GRIK2: variants seen among roughly 807,000 people sequenced by gnomAD.
The protein encoded by GRIK2 is glutamate ionotropic receptor kainate type subunit 2, also known as glutamate receptor ionotropic, kainate 2.
In GRIK2, 32 loss-of-function variants were observed where a neutral mutation model predicts 100.3. That is an observed-to-expected ratio of 0.32 (90% CI 0.24 to 0.43). The LOEUF (loss-of-function observed/expected upper bound fraction) is 0.43. Among genes scored for constraint, GRIK2 ranks in the 20% least tolerant of loss-of-function variants. The pLI is 1.00. For missense variants in GRIK2, 843 were observed against 1,114.9 expected, an observed-to-expected ratio of 0.76 and a Z score of 3.47; for synonymous variants, 417 against 389.4, an observed-to-expected ratio of 1.07 and a Z score of -0.83.
At chr6:101,541,712 T>C (rs988956888) in intron 2 of GRIK2, among the ~76,000 whole-genome samples, 19 of 151,966 alleles carry the variant, frequency 1.3e-4, no homozygotes, top group Non-Finnish European at 8.8e-5. Context: ...TGGAACCCCC[T>C]TTCATAGATA....
At chr6:101,836,335 GTCACATATGACTAT>G (rs1235388829) in intron 10 of GRIK2, among the ~76,000 whole-genome samples, 1 of 151,908 alleles carries the variant, frequency 6.6e-6, no homozygotes, top group Non-Finnish European at 1.5e-5. Flanking sequence ...CGGTAGCTTC[GTCACATATGACTAT>G]TAAACACTTG....
At chr6:101,514,539 A>C (rs1774484973) in intron 2 of GRIK2, among the ~76,000 whole-genome samples, 1 of 152,104 alleles carries the variant, frequency 6.6e-6, no homozygotes, top group Admixed American at 6.6e-5. Context: ...TTTTCCTTTT[A>C]GGGTTAATAG....
chr6:101,788,788 T>C (rs1348052398), intron 7 of GRIK2, among the ~76,000 whole-genome samples: 2 of 152,210 alleles, frequency 1.3e-5, no homozygotes, highest in Non-Finnish European at 2.9e-5. Flanking sequence ...ATCGCCACAC[T>C]GACTTCCACA....
chr6:101,553,093 A>G lies in GRIK2; in HGVS notation c.116-68856A>G, dbSNP rs530660855. On this transcript the variant is annotated intron_variant, in intron 2 of 16. Transcript: ENST00000369134. ...GTCAAACATTGGAAGGAAACATAAA[A>G]TGTCTTTAAGAAGCTCACATTTTTA... Among the ~76,000 whole-genome samples the G allele has an allele frequency of 1.2e-4, 18 of 152,324 alleles. No homozygotes were observed. In the South Asian group the frequency reaches 3.5e-3, roughly 30 times the overall value.
At chr6:102,006,235 T>C (rs901621988) in intron 14 of GRIK2, among the ~76,000 whole-genome samples, 1 of 151,688 alleles carries the variant, frequency 6.6e-6, no homozygotes, top group Non-Finnish European at 1.5e-5. Flanking sequence ...CTTTCAAAAA[T>C]TATTTAATTC....
At position 101,910,064 on chromosome 6, in the gene GRIK2, T is replaced by A. The variant is rs182683987; in HGVS notation, c.1749-14537T>A. ...TTAAAACTCTTAGTATATGTAGTTA[T>A]AGAATTTGAGTATTAAACAGAATCA... On this transcript the variant is annotated intron_variant, in intron 12 of 16. Transcript: ENST00000369134. Among the ~76,000 whole-genome samples, 21 of 151,306 alleles carry A rather than the reference T, an allele frequency of 1.4e-4. No individual in the cohort carries two copies. The East Asian group carries it at 4.1e-3, about 29-fold the overall frequency.
chr6:101,748,264 G>C (rs188102755), intron 7 of GRIK2, among the ~76,000 whole-genome samples: 1 of 152,248 alleles, frequency 6.6e-6, no homozygotes, highest in African/African-American at 2.4e-5. Context: ...GTTAGGGAAA[G>C]TCATGAAATA....
intron 2 of GRIK2, among the ~76,000 whole-genome samples, chr6:101,453,977 C>T (rs1277654378): frequency 5.9e-5 from 9 of 151,900 alleles, no homozygotes; most frequent in East Asian, 1.9e-4. Flanking sequence ...AGGGAATAAC[C>T]CAGAAAAGCC....
Position 101,964,969 on chromosome 6 carries a change from G to GT in GRIK2, c.2085+36344dup, listed in dbSNP as rs1448183908. Among the ~76,000 whole-genome samples the GT allele has an allele frequency of 2.6e-5, 4 of 152,062 alleles. No individual in the cohort carries two copies. In the East Asian group the frequency reaches 7.8e-4, roughly 30 times the overall value. On this transcript the variant is annotated intron_variant, in intron 14 of 16. Transcript: ENST00000369134. ...AAGTTTGCGGGAAAATACCTGAATA[G>GT]TTTTTTTAAAGGAAGTAGCCGGAAA...
At chr6:101,779,380 A>G (rs1383535107) in intron 7 of GRIK2, among the ~76,000 whole-genome samples, 2 of 152,228 alleles carry the variant, frequency 1.3e-5, no homozygotes, top group Non-Finnish European at 2.9e-5. Flanking sequence ...AGGTTAATGA[A>G]TATTTAAATA....
At chr6:101,519,815 G>A (rs981913608) in intron 2 of GRIK2, among the ~76,000 whole-genome samples, 2 of 152,168 alleles carry the variant, frequency 1.3e-5, no homozygotes, top group East Asian at 1.9e-4. Flanking sequence ...GTTAAACTGA[G>A]TATCTGCACC....
At chr6:101,454,105 G>A (rs907369682) in intron 2 of GRIK2, among the ~76,000 whole-genome samples, 1 of 151,966 alleles carries the variant, frequency 6.6e-6, no homozygotes, top group Admixed American at 6.6e-5. Flanking sequence ...GAAGAAGGCC[G>A]ATTTTCCTGT....
intron 7 of GRIK2, among the ~76,000 whole-genome samples, chr6:101,725,443 C>T (rs1258194528): frequency 6.6e-6 from 1 of 151,930 alleles, no homozygotes; most frequent in East Asian, 1.9e-4. Flanking sequence ...AGATATTATT[C>T]AAATGTTTAG....
chr6:101,558,790 A>G (rs1419135019), intron 2 of GRIK2, among the ~76,000 whole-genome samples: 2 of 151,806 alleles, frequency 1.3e-5, no homozygotes, highest in African/African-American at 2.4e-5. Context: ...TGTGTCTTCA[A>G]CCATTATATT....
intron 2 of GRIK2, among the ~76,000 whole-genome samples, chr6:101,441,849 A>G (rs1219239216): frequency 2.0e-5 from 3 of 152,054 alleles, no homozygotes; most frequent in African/African-American, 7.2e-5. Flanking sequence ...TGTGTGCTCA[A>G]TGTTTAGCTT....
intron 14 of GRIK2, among the ~76,000 whole-genome samples, chr6:101,947,439 T>A (rs1244357596): frequency 6.6e-6 from 1 of 152,180 alleles, no homozygotes; most frequent in Non-Finnish European, 1.5e-5. Flanking sequence ...TAATTTGGTT[T>A]AAAAAATTGT....
rs142725454 is a variant in GRIK2 at position 101,865,555 on chromosome 6, T to C, written c.1524+6062T>C. Among the ~76,000 whole-genome samples the C allele has an allele frequency of 4.6e-5, 7 of 152,236 alleles. No homozygotes were observed. The East Asian group carries it at 1.4e-3, about 29-fold the overall frequency. On this transcript the variant is annotated intron_variant, in intron 11 of 16. Transcript: ENST00000369134. ...AATTTTGACAGCACATTGTTTAATTTTGCATCCTAGTTGAGGAACTCTAGT... is the reference window on the plus strand; with the variant it reads ...AATTTTGACAGCACATTGTTTAATTCTGCATCCTAGTTGAGGAACTCTAGT...
At chr6:101,970,483 G>A (rs571712280) in intron 14 of GRIK2, among the ~76,000 whole-genome samples, 4 of 152,094 alleles carry the variant, frequency 2.6e-5, no homozygotes, top group African/African-American at 4.8e-5. Context: ...TTTGGCTGTC[G>A]TATTTATACC....
intron 14 of GRIK2, among the ~76,000 whole-genome samples, chr6:101,937,684 A>T (rs1302638003): frequency 6.6e-6 from 1 of 152,120 alleles, no homozygotes; most frequent in East Asian, 1.9e-4. Flanking sequence ...AAACATACAA[A>T]CAAAAAAACC....
Sources: gnomAD v4.1 joint callset for allele counts (sites outside exome capture counted in the v4.1 genomes callset) on GRCh38, gnomAD v4.1.1 for gene constraint, MANE v1.5 for transcripts, NCBI Gene and HGNC (gene_info 2026-07-23, HGNC 2026-07-21) for gene names.